The following IFT80 variants were observed in gnomAD, a reference collection of about 807,000 sequenced individuals.
IFT80 encodes the protein intraflagellar transport protein 80 homolog.
A neutral mutation model predicts 107.9 loss-of-function variants in IFT80; 79 were observed. The observed-to-expected ratio is 0.73, with a 90% CI of 0.61 to 0.88. The LOEUF (loss-of-function observed/expected upper bound fraction) is 0.88. Among genes scored for constraint, IFT80 ranks in the 40% least tolerant of loss-of-function variants. The pLI is 0.00. For missense variants in IFT80, 797 were observed against 914.2 expected, an observed-to-expected ratio of 0.87 and a Z score of 1.65; for synonymous variants, 299 against 300.9, an observed-to-expected ratio of 0.99 and a Z score of 0.07.
In IFT80 at chr3:160,258,639, C is replaced by CAA. The variant is rs761415650; in HGVS notation, c.2224-6_2224-5dup. ...TTTTCTCCCAATCTATTTGGAGCTGCAATAGAAAAAAAAAAGAAGAAATAT... is the reference window on the plus strand; with the variant it reads ...TTTTCTCCCAATCTATTTGGAGCTGCAAAATAGAAAAAAAAAAGAAGAAATAT... On this transcript the variant is annotated splice_region_variant and splice_polypyrimidine_tract_variant and intron_variant, in intron 19 of 19. Transcript: ENST00000326448. The CAA allele has an allele frequency of 6.3e-7, 1 of 1,580,132 alleles. No homozygotes were observed. The highest frequency in any genetic ancestry group is 8.6e-7 in the Non-Finnish European group (1 of 1,169,044).
At position 160,279,204 on chromosome 3, in the gene IFT80, G is replaced by A. The variant is rs186192085; in HGVS notation, c.1825C>T (p.Arg609Cys). 18 of 1,612,628 alleles carry A rather than the reference G, an allele frequency of 1.1e-5. No individual in the cohort carries two copies. The highest frequency in any genetic ancestry group is 1.7e-4 in the Middle Eastern group (1 of 6,058). Residue 609 changes from arginine to cysteine, a missense_variant, in exon 16 of 20, where the codon CGC becomes TGC. Coordinates refer to ENST00000326448, the MANE Select transcript of IFT80 (RefSeq NM_020800.3). ...SKWEDAVRLC[R>C]FVKEQTMWAC... Reference sequence around the variant, plus strand: ...AAAATGTAAATTACCTTAACAAAGCGACAAAGTCTCACAGCATCTTCCCAT... The same window carrying A: ...AAAATGTAAATTACCTTAACAAAGCAACAAAGTCTCACAGCATCTTCCCAT...
chr3:160,368,060 C>T (rs1023849576), intron 5 of IFT80, among the ~76,000 whole-genome samples: 2 of 151,776 alleles, frequency 1.3e-5, no homozygotes, highest in Non-Finnish European at 2.9e-5. Flanking sequence ...TGTGAATCAA[C>T]GAATCAATGA....
intron 5 of IFT80, among the ~76,000 whole-genome samples, chr3:160,371,600 G>T (rs1418296366): frequency 6.6e-6 from 1 of 151,970 alleles, no homozygotes; most frequent in African/African-American, 2.4e-5. Context: ...GCACCACTAT[G>T]CCCGGCTAAC....
chr3:160,395,607 C>T (rs1157000915), intron 1 of IFT80, among the ~76,000 whole-genome samples: 1 of 152,142 alleles, frequency 6.6e-6, no homozygotes, highest in African/African-American at 2.4e-5. Flanking sequence ...ACTCTCATTC[C>T]CCCTTGGATT....
At position 160,277,691 on chromosome 3, in the gene IFT80, A is replaced by G. The variant is rs376053856; in HGVS notation, c.1837-21T>C. The G allele has an allele frequency of 2.0e-6, 3 of 1,519,824 alleles. No individual in the cohort carries two copies. In the African/African-American group the frequency reaches 4.1e-5, roughly 21 times the overall value. The allele number at this position is 1,519,824 out of a possible 1,614,324, so 94.1% of individuals were successfully genotyped here. On this transcript the variant is annotated intron_variant, in intron 16 of 19. Transcript: ENST00000326448. The stretch of plus-strand genomic sequence containing the variant: ...TGCTCCTAAAGTAAAGTATGAGAAC[A>G]ATTATCTTAACTATGTGACTGAACT...
chr3:160,297,366 G>A (rs1394207117), intron 12 of IFT80, among the ~76,000 whole-genome samples: 1 of 151,978 alleles, frequency 6.6e-6, no homozygotes, highest in Non-Finnish European at 1.5e-5. Flanking sequence ...ATATGAATAG[G>A]ATTACAAGAA....
At chr3:160,268,852 T>C (rs1576726536) in intron 18 of IFT80, 1 of 305,660 alleles carries the variant, frequency 3.3e-6, no homozygotes, top group Non-Finnish European at 6.2e-6. Flanking sequence ...GTCTTTTTTC[T>C]CCACTAGCCA....
At chr3:160,378,632 A>C (rs1478787277) in intron 3 of IFT80, among the ~76,000 whole-genome samples, 1 of 151,878 alleles carries the variant, frequency 6.6e-6, no homozygotes, top group Non-Finnish European at 1.5e-5. Context: ...AATTATGAGA[A>C]CACATATAAA....
At chr3:160,390,533 T>A (rs1713302626) in intron 1 of IFT80, among the ~76,000 whole-genome samples, 1 of 152,158 alleles carries the variant, frequency 6.6e-6, no homozygotes. Context: ...CTGATTTGGC[T>A]AATGACACAC....
chr3:160,292,095 C>G (rs951726632), intron 12 of IFT80, among the ~76,000 whole-genome samples: 1 of 152,192 alleles, frequency 6.6e-6, no homozygotes, highest in African/African-American at 2.4e-5. Context: ...TGGACTCATG[C>G]CAGTAGCCCT....
At chr3:160,338,900 C>T (rs764981131) in intron 8 of IFT80, among the ~76,000 whole-genome samples, 1 of 152,106 alleles carries the variant, frequency 6.6e-6, no homozygotes, top group Non-Finnish European at 1.5e-5. Context: ...TCTCCTCAAC[C>T]CTTGTTAAGT....
At chr3:160,316,700 T>C (rs1483992879) in intron 9 of IFT80, among the ~76,000 whole-genome samples, 1 of 152,042 alleles carries the variant, frequency 6.6e-6, no homozygotes, top group African/African-American at 2.4e-5. Flanking sequence ...TGACTCATTT[T>C]CCCCTGCCTC....
rs538412917 is a variant in IFT80, at chr3:160,388,320, T to C, written c.-46-3674A>G. ...GAAAAGATAAGCCTAAGAAACATTG[T>C]CCAGAACATTGCATCAATACACCAC... On this transcript the variant is annotated intron_variant, in intron 1 of 19. Coordinates refer to ENST00000326448, the MANE Select transcript of IFT80 (RefSeq NM_020800.3). Among the ~76,000 whole-genome samples the C allele has an allele frequency of 6.0e-5, 9 of 151,190 alleles. No homozygotes were observed. The East Asian group carries it at 1.7e-3, about 29-fold the overall frequency.
At chr3:160,272,290 C>A (rs1285921841) in intron 18 of IFT80, among the ~76,000 whole-genome samples, 1 of 152,000 alleles carries the variant, frequency 6.6e-6, no homozygotes, top group African/African-American at 2.4e-5. Flanking sequence ...AATATAATTA[C>A]TGTTTACTTT....
chr3:160,326,339 T>C (rs1718674773), intron 8 of IFT80, among the ~76,000 whole-genome samples: 1 of 152,078 alleles, frequency 6.6e-6, no homozygotes, highest in Non-Finnish European at 1.5e-5. Flanking sequence ...GTCTGCATCA[T>C]CCTGATACCA....
chr3:160,328,329 G>GCAA (rs1465347901), intron 8 of IFT80, among the ~76,000 whole-genome samples: 5 of 151,980 alleles, frequency 3.3e-5, no homozygotes, highest in African/African-American at 1.2e-4. Context: ...AGGCATGGTG[G>GCAA]CAAGCACCTA....
At position 160,277,290 on chromosome 3, in the gene IFT80, A is replaced by G; in HGVS notation, c.2099+16T>C. On this transcript the variant is annotated intron_variant, in intron 18 of 19. Transcript: ENST00000326448. ...GTCAAACAGATTTTGGAACTGATGG[A>G]AAGCATTCTTATTACCTTTCCCAGT... 6.2e-7 allele frequency: 1 copy of G among 1,608,524 alleles called. No individual in the cohort carries two copies. The highest frequency in any genetic ancestry group is 8.5e-7 in the Non-Finnish European group (1 of 1,176,626).
chr3:160,272,531 T>A (rs139194635), intron 18 of IFT80, among the ~76,000 whole-genome samples: 208 of 152,264 alleles, frequency 1.4e-3, no homozygotes, highest in Middle Eastern at 6.8e-3. Flanking sequence ...AACAATTTTT[T>A]AAAATTCCAT....
intron 4 of IFT80, among the ~76,000 whole-genome samples, 178 bp downstream of exon 4, chr3:160,377,251 GA>G (rs1223818665): frequency 6.6e-6 from 1 of 152,138 alleles, no homozygotes; most frequent in Non-Finnish European, 1.5e-5. Context: ...GGTCACATAA[GA>G]AAATGATTAA....
Sources: allele counts gnomAD v4.1 joint callset (sites outside exome capture counted in the v4.1 genomes callset), GRCh38; gene constraint gnomAD v4.1.1; transcripts MANE v1.5; gene names NCBI Gene and HGNC (gene_info 2026-07-23, HGNC 2026-07-21).